The following SLC30A7 variants were observed in gnomAD, a reference collection of about 807,000 sequenced individuals.
SLC30A7 encodes solute carrier family 30 member 7.
Under a neutral mutation model 46.0 loss-of-function variants are expected in SLC30A7, and 35 were observed. The observed-to-expected ratio is 0.76, with a 90% CI of 0.58 to 1.01. The LOEUF (loss-of-function observed/expected upper bound fraction) is 1.01, where lower values mean the gene tolerates loss of function less well. Among genes scored for constraint, SLC30A7 ranks in the 50% least tolerant of loss-of-function variants. The pLI, the probability that SLC30A7 is intolerant of heterozygous loss-of-function variation, is 0.00. For synonymous variants in SLC30A7, 147 were observed against 157.8 expected (o/e 0.93, Z 0.51); for missense variants, 464 against 451.1 (o/e 1.03, Z -0.26).
rs141829396 is a variant in SLC30A7, at chr1:100,942,360, T to C, written c.843-19468T>C. Among the ~76,000 whole-genome samples, 729 of 152,182 alleles carry C rather than the reference T, an allele frequency of 4.8e-3. 3 individuals carry two copies. The highest frequency in any genetic ancestry group is 6.2e-3 in the Non-Finnish European group (424 of 68,010). On this transcript the variant is annotated intron_variant, in intron 8 of 10. Transcript: ENST00000357650. ...TTTGCAAAAAATATAAAAGAACATA[T>C]CTGTAAAGTCATTCTTTGTGCCTTT...
At chr1:100,905,336 G>T (rs1373978930) in intron 2 of SLC30A7, among the ~76,000 whole-genome samples, 1 of 151,572 alleles carries the variant, frequency 6.6e-6, no homozygotes, top group East Asian at 1.9e-4. Flanking sequence ...GGTTTTCAAA[G>T]ATTTTTTTAT....
At position 100,896,109 on chromosome 1, in the gene SLC30A7, GGT is replaced by G; in HGVS notation, c.-147_-146del. 2 of 667,050 alleles carry G rather than the reference GGT, an allele frequency of 3.0e-6. No individual in the cohort carries two copies. The highest frequency in any genetic ancestry group is 5.4e-6 in the Non-Finnish European group (2 of 373,416). The allele number at this position is 667,050 out of a possible 1,614,324, so 41.3% of individuals were successfully genotyped here. On this transcript the variant is annotated 5_prime_UTR_variant, in exon 1 of 11. Coordinates refer to ENST00000357650, the MANE Select transcript of SLC30A7 (RefSeq NM_133496.5). Reference sequence around the variant, plus strand: ...CGGGCCGGAAGTAAGCGAATTCCCGGGTGTGTGTCTGTGTCTGTCTGTGTCTC... The same window carrying G: ...CGGGCCGGAAGTAAGCGAATTCCCGGGTGTGTCTGTGTCTGTCTGTGTCTC...
chr1:100,971,696 GT>G (rs1350393506), intron 10 of SLC30A7, among the ~76,000 whole-genome samples: 1 of 152,080 alleles, frequency 6.6e-6, no homozygotes, highest in Non-Finnish European at 1.5e-5. Context: ...TCAAGTTACT[GT>G]TATTGACTTG....
intron 8 of SLC30A7, among the ~76,000 whole-genome samples, chr1:100,932,627 CATT>C (rs897097101): frequency 2.0e-5 from 3 of 152,060 alleles, no homozygotes; most frequent in African/African-American, 7.2e-5. Context: ...TATGCCTTAT[CATT>C]GTTTGATATG....
intron 8 of SLC30A7, among the ~76,000 whole-genome samples, chr1:100,925,461 C>T (rs569110041): frequency 2.6e-5 from 4 of 152,228 alleles, no homozygotes; most frequent in Admixed American, 2.6e-4. Context: ...AGCTAGAAGG[C>T]TATTATTTAA....
the SLC30A7 span, chr1:100,989,699 A>T: frequency 2.6e-5 from 4 of 152,208 alleles, no homozygotes. Context: ...AACAGATTCA[A>T]GTGATTCAAA....
Position 100,981,240 on chromosome 1 carries a change from G to T in SLC30A7, c.*6383G>T, listed in dbSNP as rs1399352841. 2.6e-5 allele frequency: 4 copies of T among 152,106 alleles called. No homozygotes were observed. Among genetic ancestry groups the T allele is most frequent in the Non-Finnish European group, 5.9e-5 (4 of 67,976 alleles). The allele number at this position is 152,106 out of a possible 1,614,324, so 9.4% of individuals were successfully genotyped here. ...GAACTAGACATCCTGTCAATAGTTTGTCAAGTAACTTCATTGCTTCCTTTG... is the reference window on the plus strand; with the variant it reads ...GAACTAGACATCCTGTCAATAGTTTTTCAAGTAACTTCATTGCTTCCTTTG... On this transcript the variant is annotated 3_prime_UTR_variant, in exon 11 of 11. Coordinates refer to ENST00000357650, the MANE Select transcript of SLC30A7 (RefSeq NM_133496.5).
chr1:100,932,155 C>T (rs939150029), intron 8 of SLC30A7, among the ~76,000 whole-genome samples: 1 of 152,188 alleles, frequency 6.6e-6, no homozygotes, highest in Non-Finnish European at 1.5e-5. Context: ...TTGCTCATGC[C>T]TGTAATCCCA....
the SLC30A7 span, among the ~76,000 whole-genome samples, chr1:100,991,166 A>G: frequency 6.6e-6 from 1 of 152,360 alleles, no homozygotes; most frequent in Non-Finnish European, 1.5e-5. Context: ...GATAGTAGAT[A>G]TGAGACTAGT....
At chr1:100,983,405 A>AAAAAAAAAAAAAAAT (rs1657090225), downstream of SLC30A7, among the ~76,000 whole-genome samples, 1 of 120,754 alleles carries the variant, frequency 8.3e-6, no homozygotes, top group African/African-American at 2.8e-5. Flanking sequence ...ACAAAACAAA[A>AAAAAAAAAAAAAAAT]CAAAAAAAAC....
At chr1:100,927,672 A>AT (rs1232441636) in intron 8 of SLC30A7, among the ~76,000 whole-genome samples, 1 of 152,206 alleles carries the variant, frequency 6.6e-6, no homozygotes, top group Non-Finnish European at 1.5e-5. Context: ...GAGGTATGGA[A>AT]TAGACAGAGA....
At chr1:100,960,947 GTTTTTTTTTTT>G (rs11354218) in intron 8 of SLC30A7, among the ~76,000 whole-genome samples, 5 of 86,314 alleles carry the variant, frequency 5.8e-5, no homozygotes, top group Non-Finnish European at 1.1e-4. Context: ...TGTTTTGTGT[GTTTTTTTTTTT>G]TTTTTTTTTT....
At chr1:100,990,310 G>A in the SLC30A7 span, 48 of 1,118,080 alleles carry the variant, frequency 4.3e-5, 1 homozygote, top group African/African-American at 5.4e-4. Flanking sequence ...GAATTATGAG[G>A]ATTAAAATTC....
At position 100,974,821 on chromosome 1, in the gene SLC30A7, A is replaced by G; in HGVS notation, c.1095A>G (p.Arg365=). Residue 365 remains arginine (R), a synonymous_variant, in exon 11 of 11, where the codon AGA becomes AGG. Coordinates refer to ENST00000357650, the MANE Select transcript of SLC30A7 (RefSeq NM_133496.5). The part of the protein sequence containing the change: ...THNIFTQAGV[R]QLYVQIDFAA... ...TTCTTACTTTTCAGGCTGGAGTGAGACAGCTCTACGTACAGATTGACTTTG... is the reference window on the plus strand; with the variant it reads ...TTCTTACTTTTCAGGCTGGAGTGAGGCAGCTCTACGTACAGATTGACTTTG... 1 of 1,588,186 alleles carries G rather than the reference A, an allele frequency of 6.3e-7. No homozygotes were observed.
chr1:100,910,298 G>C (rs17408326), intron 3 of SLC30A7, among the ~76,000 whole-genome samples: 13,579 of 152,076 alleles, frequency 0.089, 745 homozygotes, highest in Middle Eastern at 0.22. Flanking sequence ...AGTTAAAGTT[G>C]TTTCTGATGA....
intron 2 of SLC30A7, among the ~76,000 whole-genome samples, chr1:100,906,611 A>G (rs1480142392): frequency 2.0e-5 from 3 of 152,130 alleles, no homozygotes; most frequent in Non-Finnish European, 4.4e-5. Flanking sequence ...CTCACCCAGC[A>G]GCAGATGGTT....
chr1:100,989,847 A>G, the SLC30A7 span: 1 of 153,616 alleles, frequency 6.5e-6, no homozygotes, highest in Non-Finnish European at 1.4e-5. Flanking sequence ...TTATGTGTAC[A>G]TCCTGAAAAT....
At chr1:100,956,427 C>A (rs1049442623) in intron 8 of SLC30A7, among the ~76,000 whole-genome samples, 1 of 152,066 alleles carries the variant, frequency 6.6e-6, no homozygotes, top group Non-Finnish European at 1.5e-5. Context: ...TGGAAGGCAA[C>A]ACACATGGAA....
chr1:100,905,830 A>C (rs971771824), intron 2 of SLC30A7, among the ~76,000 whole-genome samples: 22 of 151,940 alleles, frequency 1.4e-4, no homozygotes, highest in Non-Finnish European at 3.2e-4. Context: ...TGACATATTA[A>C]TTGTATTTGT....
Sources: gnomAD v4.1 joint callset for allele counts (sites outside exome capture counted in the v4.1 genomes callset) on GRCh38, gnomAD v4.1.1 for gene constraint, MANE v1.5 for transcripts, NCBI Gene and HGNC (gene_info 2026-07-23, HGNC 2026-07-21) for gene names.